The following LCOR variants were observed in gnomAD, a reference collection of about 807,000 sequenced individuals.
LCOR encodes ligand dependent nuclear receptor corepressor.
In LCOR, 14 loss-of-function variants were observed where a neutral mutation model predicts 64.4. The observed-to-expected ratio is 0.22, with a 90% CI of 0.14 to 0.34. The LOEUF (loss-of-function observed/expected upper bound fraction) is 0.34, where lower values mean the gene tolerates loss of function less well. LCOR is among the 10% of genes least tolerant of loss of function. LCOR has a pLI of 1.00. For missense variants in LCOR, 1,686 were observed against 1,765.3 expected, an observed-to-expected ratio of 0.96 and a Z score of 0.80; for synonymous variants, 643 against 642.5, an observed-to-expected ratio of 1.00 and a Z score of -0.01.
At chr10:96,957,568 G>A in intron 7 of LCOR, 2 of 985,232 alleles carry the variant, frequency 2.0e-6, no homozygotes, top group Non-Finnish European at 2.4e-6. Context: ...AAACATTATT[G>A]GAGTTTCAGT....
At chr10:96,856,698 A>G (rs1427711863) in intron 2 of LCOR, among the ~76,000 whole-genome samples, 1 of 151,304 alleles carries the variant, frequency 6.6e-6, no homozygotes, top group South Asian at 2.1e-4. Flanking sequence ...GCTGGTCTCT[A>G]ACTCCTGAGC....
intron 7 of LCOR, chr10:96,959,300 T>A (rs561529956): frequency 1.3e-5 from 2 of 152,342 alleles, no homozygotes; most frequent in East Asian, 3.9e-4. Context: ...TGGGAAAGTG[T>A]AGTTCACAAC....
intron 2 of LCOR, 60 bp from the exon 3 acceptor site, chr10:96,907,205 G>C (rs1846744600): frequency 2.0e-6 from 1 of 508,768 alleles, no homozygotes; most frequent in Non-Finnish European, 2.5e-6. Flanking sequence ...TTTATGCAAA[G>C]ATTATTCAAT....
At chr10:96,867,603 A>G (rs1237552675) in intron 2 of LCOR, among the ~76,000 whole-genome samples, 1 of 152,076 alleles carries the variant, frequency 6.6e-6, no homozygotes, top group Non-Finnish European at 1.5e-5. Context: ...TCTCAAAAAT[A>G]TATTTATAAG....
At position 96,969,946 on chromosome 10, in the gene LCOR, A is replaced by ATTT. The variant is rs751045855; in HGVS notation, c.333-10823_333-10821dup. Among the ~76,000 whole-genome samples, 231 of 67,758 alleles carry ATTT rather than the reference A, an allele frequency of 3.4e-3. 19 individuals are homozygous for ATTT. The highest frequency in any genetic ancestry group is 0.011 in the East Asian group (21 of 1,852). 44.5% of individuals were successfully genotyped at this position (67,758 alleles called of 152,430 possible). A position where few individuals can be genotyped will look rare whatever the true frequency, so the allele number is the denominator to read the frequency against. On this transcript the variant is annotated intron_variant, in intron 7 of 7. Coordinates refer to ENST00000421806, the MANE Select transcript of LCOR (RefSeq NM_001346516.2). ...AGGCACCCGCCATCACACCTGGATA[A>ATTT]TTTTTTTTTTTTTTTTTTTTTTTTT...
chr10:96,947,542 T>C (rs1158696507), intron 5 of LCOR, among the ~76,000 whole-genome samples: 4 of 152,286 alleles, frequency 2.6e-5, no homozygotes, highest in Middle Eastern at 6.8e-3. Context: ...GTTATTTGCC[T>C]TCTATAGCTA....
intron 2 of LCOR, among the ~76,000 whole-genome samples, chr10:96,852,955 C>T (rs944757357): frequency 1.3e-5 from 2 of 152,132 alleles, no homozygotes; most frequent in Non-Finnish European, 2.9e-5. Flanking sequence ...TGAAGTTAAA[C>T]ATTGGTTCTC....
At chr10:96,833,144 C>G in intron 1 of LCOR, 3 of 985,282 alleles carry the variant, frequency 3.0e-6, no homozygotes, top group Non-Finnish European at 1.2e-6. Flanking sequence ...TGTTCGGTGT[C>G]GTGCTGCGGG....
chr10:96,952,007 A>C, intron 6 of LCOR, 96 bp from the exon 7 acceptor site: 1 of 789,194 alleles, frequency 1.3e-6, no homozygotes, highest in Non-Finnish European at 2.1e-6. Context: ...GCTTAGTTGA[A>C]TAAGCCTGCT....
intron 2 of LCOR, among the ~76,000 whole-genome samples, chr10:96,901,451 T>G (rs1846635928): frequency 1.3e-5 from 2 of 152,186 alleles, no homozygotes; most frequent in Admixed American, 1.3e-4. Flanking sequence ...TTTTTATTGT[T>G]GAAATTCAGA....
At chr10:96,879,915 G>T (rs1049335797) in intron 2 of LCOR, among the ~76,000 whole-genome samples, 7 of 152,122 alleles carry the variant, frequency 4.6e-5, no homozygotes, top group African/African-American at 1.4e-4. Flanking sequence ...TGCCCACCTC[G>T]GCCTCCCAAA....
chr10:96,953,058 C>T (rs1253996699), intron 7 of LCOR, among the ~76,000 whole-genome samples: 1 of 152,114 alleles, frequency 6.6e-6, no homozygotes, highest in Non-Finnish European at 1.5e-5. Flanking sequence ...CTGTTAACTA[C>T]CTTCAAATAG....
chr10:96,952,003 T>C (rs1437344614), intron 6 of LCOR, 100 bp from the exon 7 acceptor site: 5 of 750,502 alleles, frequency 6.7e-6, no homozygotes, highest in Non-Finnish European at 1.1e-5. Flanking sequence ...ATCTGCTTAG[T>C]TGAATAAGCC....
chr10:96,975,635 C>T (rs992933729), intron 7 of LCOR, among the ~76,000 whole-genome samples: 4 of 151,002 alleles, frequency 2.6e-5, no homozygotes, highest in African/African-American at 7.3e-5. Flanking sequence ...AAACATGGTC[C>T]CTGCACTCAA....
intron 4 of LCOR, among the ~76,000 whole-genome samples, chr10:96,940,217 G>T (rs961056644): frequency 3.3e-5 from 5 of 150,544 alleles, no homozygotes; most frequent in African/African-American, 9.8e-5. Context: ...TTTGGAAAAT[G>T]GTTCAGCTTT....
chr10:96,913,531 A>T (rs958924077), intron 4 of LCOR, among the ~76,000 whole-genome samples: 2 of 152,242 alleles, frequency 1.3e-5, no homozygotes, highest in African/African-American at 4.8e-5. Flanking sequence ...GGAGAGTAGG[A>T]TGTTATACCA....
intron 2 of LCOR, among the ~76,000 whole-genome samples, chr10:96,860,610 T>C (rs917111372): frequency 8.5e-5 from 13 of 152,266 alleles, no homozygotes; most frequent in Non-Finnish European, 1.5e-4. Context: ...CCTAGAAAGC[T>C]AATACAGACT....
chr10:96,936,416 T>TA (rs1201474768), intron 4 of LCOR, among the ~76,000 whole-genome samples: 2 of 152,120 alleles, frequency 1.3e-5, no homozygotes, highest in South Asian at 2.1e-4. Context: ...TGAAGTAATG[T>TA]AAAAAATGAT....
rs771166717 is a variant in LCOR at position 96,983,500 on chromosome 10, G to A, written c.3040G>A (p.Gly1014Arg). ...GAGTGATGCCCCATGCAGCTCTCTTGGGTTGTCGAGTAGTGGAAGTGGTGA... is the reference window on the plus strand; with the variant it reads ...GAGTGATGCCCCATGCAGCTCTCTTAGGTTGTCGAGTAGTGGAAGTGGTGA... ...DESDAPCSSLGLSSSGSGDAA... is the reference protein window; with the variant it reads ...DESDAPCSSLRLSSSGSGDAA... Residue 1014 changes from glycine to arginine, a missense_variant, in exon 8 of 8, where the codon GGG becomes AGG. This residue lies in a region of LCOR where 1,293 missense variants were observed against 1,410.4 expected (regional missense o/e 0.92). Coordinates refer to ENST00000421806, the MANE Select transcript of LCOR (RefSeq NM_001346516.2). The surrounding 1 kb of genome is among the most constrained non-coding windows in gnomAD (Gnocchi z 4.5). 1.2e-6 allele frequency: 2 copies of A among 1,614,070 alleles called. No homozygotes were observed. The highest frequency in any genetic ancestry group is 2.2e-5 in the South Asian group (2 of 91,084).
Sources: allele counts gnomAD v4.1 joint callset (sites outside exome capture counted in the v4.1 genomes callset), GRCh38; gene constraint gnomAD v4.1.1; regional missense constraint gnomAD v4.1.1; non-coding constraint Gnocchi (gnomAD v3.1); transcripts MANE v1.5; gene names NCBI Gene and HGNC (gene_info 2026-07-23, HGNC 2026-07-21).